SPAG17: variants seen among roughly 807,000 people sequenced by gnomAD.
SPAG17 encodes the protein sperm-associated antigen 17.
A neutral mutation model predicts 273.6 loss-of-function variants in SPAG17; 169 were observed. The observed-to-expected ratio is 0.62, with a 90% CI of 0.55 to 0.70. The LOEUF is 0.70. Among genes scored for constraint, SPAG17 ranks in the 30% least tolerant of loss-of-function variants. The pLI, the probability that SPAG17 is intolerant of heterozygous loss-of-function variation, is 0.00. For synonymous variants in SPAG17, 825 were observed against 873.2 expected (o/e 0.94, Z 0.97); for missense variants, 2,557 against 2,627.8 (o/e 0.97, Z 0.59).
At chr1:117,996,343 G>A (rs1406676302) in intron 34 of SPAG17, 27 bp downstream of exon 34, 1 of 1,590,574 alleles carries the variant, frequency 6.3e-7, no homozygotes, top group Non-Finnish European at 8.6e-7. Context: ...GAGACACCGT[G>A]CATTCCAGAC....
At chr1:118,175,396 G>A (rs1660644840) in intron 1 of SPAG17, among the ~76,000 whole-genome samples, 1 of 151,878 alleles carries the variant, frequency 6.6e-6, no homozygotes, top group Admixed American at 6.6e-5. Flanking sequence ...ACACAAATAA[G>A]ACTACCCCAA....
intron 19 of SPAG17, 62 bp from the exon 20 acceptor site, chr1:118,054,155 A>G: frequency 9.2e-7 from 1 of 1,084,528 alleles, no homozygotes; most frequent in Non-Finnish European, 1.4e-6. Flanking sequence ...AGAAGGCCCA[A>G]ATCTCTGGGT....
intron 45 of SPAG17, 102 bp downstream of exon 45, chr1:117,971,761 T>C: frequency 1.1e-6 from 1 of 912,678 alleles, no homozygotes; most frequent in Non-Finnish European, 1.6e-6. Context: ...CAAGGAGTAA[T>C]TACAGTTCGG....
intron 3 of SPAG17, among the ~76,000 whole-genome samples, chr1:118,130,182 T>G (rs910873774): frequency 2.6e-5 from 4 of 152,180 alleles, no homozygotes; most frequent in Non-Finnish European, 5.9e-5. Flanking sequence ...GGCTGACTAC[T>G]GGGAAAGCCC....
chr1:118,090,913 A>C (rs1468195441), intron 10 of SPAG17, among the ~76,000 whole-genome samples: 1 of 151,950 alleles, frequency 6.6e-6, no homozygotes, highest in Non-Finnish European at 1.5e-5. Context: ...CAAATATATA[A>C]ATAAATAGAT....
Position 118,086,880 on chromosome 1 carries a change from CCT to C in SPAG17, c.1486_1487del (p.Arg496GlyfsTer7). 6.2e-7 allele frequency: 1 copy of C among 1,614,100 alleles called. No individual in the cohort carries two copies. Among genetic ancestry groups the C allele is most frequent in the East Asian group, 2.2e-5 (1 of 44,884 alleles). ...TCTCAGGCTATCTGACCTTTTTCTC[CCT>C]CTCTGAGAGACAGAGTGAGGGCAGA... The part of the protein sequence containing the change: ...SLLPSLCLSE[R>X]EKKNLHDIFL... On this transcript the variant is annotated frameshift_variant, in exon 11 of 49. Coordinates refer to ENST00000336338, the MANE Select transcript of SPAG17 (RefSeq NM_206996.4). LOFTEE classifies it high-confidence loss of function.
At chr1:118,051,221 A>G (rs1650968367) in intron 20 of SPAG17, among the ~76,000 whole-genome samples, 1 of 152,140 alleles carries the variant, frequency 6.6e-6, no homozygotes, top group Non-Finnish European at 1.5e-5. Flanking sequence ...TAGAATGGCT[A>G]TGAGAAAAAA....
intron 48 of SPAG17, chr1:117,958,767 C>CTTT (rs3215666): frequency 2.9e-4 from 105 of 360,960 alleles, no homozygotes; most frequent in South Asian, 8.0e-4. Flanking sequence ...ACTTCTTTGG[C>CTTT]TTTTTTTTTT....
At chr1:118,012,968 G>A (rs1445451544) in intron 29 of SPAG17, among the ~76,000 whole-genome samples, 2 of 152,118 alleles carry the variant, frequency 1.3e-5, no homozygotes, top group Non-Finnish European at 2.9e-5. Context: ...GGTGTGCGTG[G>A]GTTGCTGCTC....
intron 43 of SPAG17, among the ~76,000 whole-genome samples, 157 bp from the exon 44 acceptor site, chr1:117,973,718 T>C (rs1654825991): frequency 6.6e-6 from 1 of 152,214 alleles, no homozygotes; most frequent in African/African-American, 2.4e-5. Context: ...ATTTCAATTT[T>C]TCTTTTAGAT....
rs369979744 is a variant in SPAG17 at position 118,133,277 on chromosome 1, T to TGG, written c.315+17264_315+17265dup. ...AGCAGTGCCACAGTCCAGTTCTGGG[T>TGG]GGGTCGCGAGGGGGCCCAGAGTGCA... On this transcript the variant is annotated intron_variant, in intron 3 of 48. Transcript: ENST00000336338. 4.5e-3 allele frequency among the ~76,000 whole-genome samples: 689 copies of TGG among 152,092 alleles called. 7 individuals carry two copies. The highest frequency in any genetic ancestry group is 0.016 in the African/African-American group (662 of 41,474).
intron 32 of SPAG17, among the ~76,000 whole-genome samples, chr1:118,004,310 T>C (rs1490899599): frequency 6.6e-6 from 1 of 152,112 alleles, no homozygotes; most frequent in Non-Finnish European, 1.5e-5. Context: ...CTTCTCGGAG[T>C]TCAAACGCCA....
intron 40 of SPAG17, 87 bp downstream of exon 40, chr1:117,987,747 C>T: frequency 1.5e-6 from 2 of 1,320,552 alleles, no homozygotes; most frequent in Middle Eastern, 1.9e-4. Flanking sequence ...CATCTGGGTG[C>T]CTGGCAGGAC....
At chr1:118,069,343 T>TAAAAAAAAAAAAAAAAA (rs1653325378) in intron 17 of SPAG17, among the ~76,000 whole-genome samples, 1 of 28,178 alleles carries the variant, frequency 3.5e-5, no homozygotes, top group African/African-American at 2.2e-4. Flanking sequence ...AGACTCCGTC[T>TAAAAAAAAAAAAAAAAA]CAAAAAAAAA....
chr1:118,078,738 A>G (rs1175270306), intron 15 of SPAG17, among the ~76,000 whole-genome samples: 1 of 152,052 alleles, frequency 6.6e-6, no homozygotes, highest in Non-Finnish European at 1.5e-5. Flanking sequence ...TATATGATTG[A>G]GTAGTGTTTC....
At position 118,015,984 on chromosome 1, in the gene SPAG17, G is replaced by C. The variant is rs1659926616; in HGVS notation, c.4268C>G (p.Thr1423Arg). ...TCATACCGTTCCATTGACAGGATCT[G>C]TGGCCTGAAAGGATAACAATGGGGT... ...DLTPLLSFQA[T>R]DPVNGTVMTT... The change falls in exon 29 of 49, where the codon ACA becomes AGA. Residue 1423 changes from threonine (T) to arginine (R), a missense_variant. Physicochemically the swap from Thr to Arg is moderately conservative, Grantham distance 71 (BLOSUM62 -1). Coordinates refer to ENST00000336338, the MANE Select transcript of SPAG17 (RefSeq NM_206996.4). 1.2e-6 allele frequency: 2 copies of C among 1,613,866 alleles called. No homozygotes were observed. Among genetic ancestry groups the C allele is most frequent in the African/African-American group, 2.7e-5 (2 of 74,914 alleles).
chr1:118,053,971 T>C (rs759070523), intron 20 of SPAG17, 31 bp downstream of exon 20: 12 of 1,532,404 alleles, frequency 7.8e-6, no homozygotes, highest in South Asian at 3.4e-5. Flanking sequence ...TAGTTTTGCC[T>C]GTTTTTTAAA....
Position 118,147,020 on chromosome 1 carries a change from T to G in SPAG17, c.315+3523A>C, listed in dbSNP as rs141870494. On this transcript the variant is annotated intron_variant, in intron 3 of 48. Transcript: ENST00000336338. ...ATCTTCCTTTGAATTCTTATACACT[T>G]TACCTGTCTCTCAAGAACTTCACTA... Among the ~76,000 whole-genome samples, 669 of 152,308 alleles carry G rather than the reference T, an allele frequency of 4.4e-3. 1 individual carries two copies. Among genetic ancestry groups the G allele is most frequent in the Middle Eastern group, 0.014 (4 of 294 alleles).
chr1:118,159,924 C>A (rs1349362638), intron 1 of SPAG17, among the ~76,000 whole-genome samples: 2 of 152,168 alleles, frequency 1.3e-5, no homozygotes, highest in Non-Finnish European at 1.5e-5. Flanking sequence ...TATGTTAGTA[C>A]AATCCAACCA....
Sources: allele counts gnomAD v4.1 joint callset (sites outside exome capture counted in the v4.1 genomes callset), GRCh38; gene constraint gnomAD v4.1.1; transcripts MANE v1.5; gene names NCBI Gene and HGNC (gene_info 2026-07-23, HGNC 2026-07-21).